Variants in TENM4 observed in about 807,000 individuals in gnomAD.
TENM4 encodes teneurin-4.
TENM4 carries 82 observed loss-of-function variants against 243.3 expected under a neutral mutation model. That is an observed-to-expected ratio of 0.34 (90% CI 0.28 to 0.40). The LOEUF is 0.40. Ranked by LOEUF, TENM4 falls within the 10% of genes least tolerant of loss-of-function variation. The pLI, the probability that TENM4 is intolerant of heterozygous loss-of-function variation, is 1.00. For missense variants in TENM4, 3,138 were observed against 3,673.3 expected, an observed-to-expected ratio of 0.85 and a Z score of 3.77; for synonymous variants, 1,412 against 1,456.3, an observed-to-expected ratio of 0.97 and a Z score of 0.69.
At chr11:79,172,473 A>G (rs1027972815) in intron 3 of TENM4, among the ~76,000 whole-genome samples, 13 of 151,990 alleles carry the variant, frequency 8.6e-5, no homozygotes, top group African/African-American at 2.9e-4. Context: ...GTCATTCTCA[A>G]TTCTTTGCTT....
At position 79,171,398 on chromosome 11, in the gene TENM4, A is replaced by G. The variant is rs139216041; in HGVS notation, c.-162-22592T>C. On this transcript the variant is annotated intron_variant, in intron 3 of 33. Coordinates refer to ENST00000278550, the MANE Select transcript of TENM4 (RefSeq NM_001098816.3). ...TTCAGAGCCAGGATGAGTGAGGATT[A>G]TCTTCCAAGACTGTGCCTTCCTAGA... Among the ~76,000 whole-genome samples, 60 of 152,354 alleles carry G rather than the reference A, an allele frequency of 3.9e-4. 1 individual carries two copies. In the East Asian group the frequency reaches 6.9e-3, roughly 18 times the overall value.
In TENM4 at chr11:78,684,374, C is replaced by T. The variant is rs567423181; in HGVS notation, c.5260+3680G>A. On this transcript the variant is annotated intron_variant, in intron 29 of 33. Coordinates refer to ENST00000278550, the MANE Select transcript of TENM4 (RefSeq NM_001098816.3). ...GGATGCTCTGAGGATTGAGTGAGAT[C>T]ATGAATATGAAGAGCTGAGAACTGT... is the stretch of plus-strand genomic sequence containing the variant. Among the ~76,000 whole-genome samples the T allele has an allele frequency of 1.2e-4, 19 of 152,340 alleles. No homozygotes were observed. In the East Asian group the frequency reaches 3.7e-3, roughly 29 times the overall value.
rs761074664 is a variant in TENM4 at position 78,732,424 on chromosome 11, G to A, written c.3030C>T (p.Ser1010=). Residue 1010 remains serine, a synonymous_variant, in exon 21 of 34, where the codon AGC becomes AGT. Transcript: ENST00000278550. ...IMRHEENEIP[S]CDLSNFARPN... ...GGCGGGCAAAATTGCTCAGGTCACAGCTGGGAATCTCATTCTCCTCATGTC... is the reference window on the plus strand; with the variant it reads ...GGCGGGCAAAATTGCTCAGGTCACAACTGGGAATCTCATTCTCCTCATGTC... 6.2e-7 allele frequency: 1 copy of A among 1,613,954 alleles called. No homozygotes were observed. Among genetic ancestry groups the A allele is most frequent in the Non-Finnish European group, 8.5e-7 (1 of 1,179,862 alleles).
chr11:78,753,082 A>G (rs1370603827), intron 19 of TENM4, among the ~76,000 whole-genome samples: 1 of 152,162 alleles, frequency 6.6e-6, no homozygotes, highest in East Asian at 1.9e-4. Context: ...ACAATTTAGG[A>G]ATTTTCCTAA....
chr11:78,884,313 G>T (rs1855499925), intron 9 of TENM4, among the ~76,000 whole-genome samples: 1 of 152,166 alleles, frequency 6.6e-6, no homozygotes, highest in South Asian at 2.1e-4. Context: ...CCTATAAAAT[G>T]GGACAGTCTT....
chr11:79,212,508 C>A (rs760231342), intron 3 of TENM4, among the ~76,000 whole-genome samples: 1 of 152,088 alleles, frequency 6.6e-6, no homozygotes, highest in Non-Finnish European at 1.5e-5. Flanking sequence ...AAATTGTTAA[C>A]CTACTCAAAT....
At chr11:79,114,237 A>G (rs768627173) in intron 4 of TENM4, among the ~76,000 whole-genome samples, 2 of 152,200 alleles carry the variant, frequency 1.3e-5, no homozygotes, top group Non-Finnish European at 2.9e-5. Context: ...TTGTAGCTGA[A>G]GTACAATCTT....
chr11:78,940,361 T>A (rs1258909636), intron 6 of TENM4, among the ~76,000 whole-genome samples: 2 of 152,234 alleles, frequency 1.3e-5, no homozygotes, highest in Non-Finnish European at 2.9e-5. Context: ...TGGAAATATT[T>A]CTTGACTTGA....
At chr11:79,304,852 G>A (rs1465840852) in intron 1 of TENM4, among the ~76,000 whole-genome samples, 1 of 152,146 alleles carries the variant, frequency 6.6e-6, no homozygotes, top group Admixed American at 6.5e-5. Context: ...GAGTGAGATC[G>A]TTTTCTGTGT....
At chr11:78,928,618 C>T (rs1341148743) in intron 6 of TENM4, among the ~76,000 whole-genome samples, 1 of 152,208 alleles carries the variant, frequency 6.6e-6, no homozygotes, top group Non-Finnish European at 1.5e-5. Flanking sequence ...TCCAACTCTT[C>T]CATTTGCTAG....
At chr11:78,997,142 G>A (rs879855643) in intron 6 of TENM4, among the ~76,000 whole-genome samples, 1 of 152,204 alleles carries the variant, frequency 6.6e-6, no homozygotes, top group African/African-American at 2.4e-5. Flanking sequence ...CATGTTTTGT[G>A]TATAAAGCTC....
chr11:79,096,610 G>A (rs1861083397), intron 4 of TENM4: 1 of 151,546 alleles, frequency 6.6e-6, no homozygotes. Flanking sequence ...CAGCTGTCTG[G>A]AAGGCACCCA....
At chr11:79,164,268 C>CTAGTATATA (rs1445043466) in intron 3 of TENM4, among the ~76,000 whole-genome samples, 2 of 99,114 alleles carry the variant, frequency 2.0e-5, no homozygotes, top group African/African-American at 6.3e-5. Context: ...TATAGATATA[C>CTAGTATATA]TAGTATATAT....
At chr11:78,952,800 G>C (rs1385670246) in intron 6 of TENM4, among the ~76,000 whole-genome samples, 1 of 152,086 alleles carries the variant, frequency 6.6e-6, no homozygotes, top group African/African-American at 2.4e-5. Context: ...AAACTCCCCA[G>C]GTTGCTATTC....
rs141531882 is a variant in TENM4 at position 79,209,380 on chromosome 11, C to A, written c.-163+6428G>T. ...CTTCCCAAAGCATGGGAGCCCTGGG[C>A]CAGAAGGCGTTCCCTCACAGTATTC... On this transcript the variant is annotated intron_variant, in intron 3 of 33. Transcript: ENST00000278550. 4.6e-3 allele frequency among the ~76,000 whole-genome samples: 693 copies of A among 152,306 alleles called. 20 individuals carry two copies. Among genetic ancestry groups the A allele is most frequent in the Admixed American group, 0.042 (650 of 15,306 alleles).
intron 6 of TENM4, among the ~76,000 whole-genome samples, chr11:79,044,289 T>G (rs1306796763): frequency 5.3e-5 from 8 of 152,172 alleles, no homozygotes; most frequent in Non-Finnish European, 8.8e-5. Context: ...CATTCCAAAG[T>G]CACAGGTTTG....
At chr11:78,748,067 A>T (rs1349275719) in intron 19 of TENM4, among the ~76,000 whole-genome samples, 1 of 152,164 alleles carries the variant, frequency 6.6e-6, no homozygotes, top group Non-Finnish European at 1.5e-5. Context: ...ATTTGCCCCA[A>T]TTACACAACT....
At chr11:78,687,341 T>C (rs974551537) in intron 29 of TENM4, among the ~76,000 whole-genome samples, 1 of 152,178 alleles carries the variant, frequency 6.6e-6, no homozygotes, top group African/African-American at 2.4e-5. Flanking sequence ...ACCCTGAGGC[T>C]CCTTTCACTG....
chr11:79,080,663 C>A (rs1181172453), intron 4 of TENM4, among the ~76,000 whole-genome samples: 1 of 152,180 alleles, frequency 6.6e-6, no homozygotes, highest in East Asian at 1.9e-4. Context: ...GAAGCCAGAC[C>A]CACTGGGGCC....
Sources: allele counts gnomAD v4.1 joint callset (sites outside exome capture counted in the v4.1 genomes callset), GRCh38; gene constraint gnomAD v4.1.1; transcripts MANE v1.5; gene names NCBI Gene and HGNC (gene_info 2026-07-23, HGNC 2026-07-21).